Variants in PROM1 observed in about 807,000 individuals in gnomAD.
The protein encoded by PROM1 is prominin-1.
PROM1 carries 105 observed loss-of-function variants against 116.9 expected under a neutral mutation model. That is an observed-to-expected ratio of 0.90 (90% CI 0.77 to 1.06). The LOEUF (loss-of-function observed/expected upper bound fraction) is 1.06. Ranked by LOEUF, PROM1 falls within the 50% of genes least tolerant of loss-of-function variation. The probability of loss-of-function intolerance (pLI) is 0.00; values close to 1 mark genes in which losing one functional copy is unlikely to be tolerated. For missense variants in PROM1, 1,122 were observed against 1,045.2 expected, an observed-to-expected ratio of 1.07 and a Z score of -1.01; for synonymous variants, 393 against 387.0, an observed-to-expected ratio of 1.02 and a Z score of -0.18.
At chr4:16,024,216 T>C (rs1363727783) in intron 7 of PROM1, 79 bp downstream of exon 7, 9 of 1,293,024 alleles carry the variant, frequency 7.0e-6, no homozygotes, top group Non-Finnish European at 9.9e-6. Flanking sequence ...TTCACGTACG[T>C]CATTTCTTAG....
intron 26 of PROM1, among the ~76,000 whole-genome samples, chr4:15,973,961 G>A (rs1341092396): frequency 6.6e-6 from 1 of 152,072 alleles, no homozygotes; most frequent in African/African-American, 2.4e-5. Context: ...CCGGTTCCTG[G>A]GGCTGCTGGA....
At chr4:16,081,292 C>A (rs934491199) in intron 1 of PROM1, among the ~76,000 whole-genome samples, 1 of 152,040 alleles carries the variant, frequency 6.6e-6, no homozygotes, top group Non-Finnish European at 1.5e-5. Flanking sequence ...CAATTCCCAA[C>A]AAACGGTGCT....
chr4:16,019,599 C>T (rs545421338), intron 8 of PROM1, among the ~76,000 whole-genome samples: 1 of 152,342 alleles, frequency 6.6e-6, no homozygotes, highest in African/African-American at 2.4e-5. Flanking sequence ...GCTACCTATA[C>T]ATGACTAGGG....
chr4:16,011,873 G>GT (rs1255061100), intron 11 of PROM1, among the ~76,000 whole-genome samples: 1 of 152,140 alleles, frequency 6.6e-6, no homozygotes, highest in Non-Finnish European at 1.5e-5. Flanking sequence ...AAATAATCAA[G>GT]TATCTCTAAC....
At chr4:16,026,346 A>T (rs1731270443) in intron 5 of PROM1, among the ~76,000 whole-genome samples, 1 of 152,156 alleles carries the variant, frequency 6.6e-6, no homozygotes, top group Non-Finnish European at 1.5e-5. Context: ...GGTTCTGTTG[A>T]ATTTGGCCAC....
chr4:16,058,568 AC>A, intron 2 of PROM1, among the ~76,000 whole-genome samples: 1 of 151,676 alleles, frequency 6.6e-6, no homozygotes, highest in Non-Finnish European at 1.5e-5. Flanking sequence ...AATTGCCTGA[AC>A]CCAGGAGGCA....
intron 10 of PROM1, among the ~76,000 whole-genome samples, chr4:16,014,851 G>A (rs1054272853): frequency 3.9e-5 from 6 of 152,180 alleles, no homozygotes; most frequent in African/African-American, 1.4e-4. Context: ...GCAAGATTTG[G>A]TAAGCTACTG....
At chr4:16,009,133 T>G in intron 11 of PROM1, 25 bp from the exon 12 acceptor site, 1 of 1,600,422 alleles carries the variant, frequency 6.2e-7, no homozygotes, top group Non-Finnish European at 8.5e-7. Context: ...ACCTTTGTTA[T>G]GCATTTGCAA....
At chr4:16,010,402 T>C (rs1228541723) in intron 11 of PROM1, among the ~76,000 whole-genome samples, 6 of 152,194 alleles carry the variant, frequency 3.9e-5, no homozygotes, top group Admixed American at 2.0e-4. Context: ...AGAGACAAGA[T>C]TAGCAGTTCT....
Position 15,985,784 on chromosome 4 carries a change from A to C in PROM1, c.2256T>G (p.His752Gln). 7.0e-7 allele frequency: 1 copy of C among 1,429,658 alleles called. No homozygotes were observed. Among genetic ancestry groups the C allele is most frequent in the Non-Finnish European group, 9.4e-7 (1 of 1,063,188 alleles). The allele number at this position is 1,429,658 out of a possible 1,614,324, so 88.6% of individuals were successfully genotyped here. A position where few individuals can be genotyped will look rare whatever the true frequency, so the allele number is the denominator to read the frequency against. Residue 752 changes from histidine to glutamine, a missense_variant, in exon 22 of 28, where the codon CAT becomes CAG. Physicochemically the swap from His to Gln is conservative, Grantham distance 24. Coordinates refer to ENST00000447510, the MANE Select transcript of PROM1 (RefSeq NM_006017.3). ...YGRTIIGYFE[H>Q]YLQWIEFSIS... ...CAGAGAACTCGATCCACTGCAGATAATGTTCAAAATATCCTATTATTGTTC... is the reference window on the plus strand; with the variant it reads ...CAGAGAACTCGATCCACTGCAGATACTGTTCAAAATATCCTATTATTGTTC...
intron 1 of PROM1, chr4:16,082,015 TG>T (rs914188401): frequency 2.6e-5 from 4 of 152,142 alleles, no homozygotes; most frequent in African/African-American, 9.7e-5. Flanking sequence ...AGATGACAGT[TG>T]TTTGAATTCT....
At position 16,023,335 on chromosome 4, in the gene PROM1, T is replaced by C; in HGVS notation, c.775A>G (p.Met259Val). 3 of 1,603,100 alleles carry C rather than the reference T, an allele frequency of 1.9e-6. No individual in the cohort carries two copies. The highest frequency in any genetic ancestry group is 2.6e-6 in the Non-Finnish European group (3 of 1,173,524). The change falls in exon 8 of 28, where the codon ATG becomes GTG. Residue 259 changes from methionine to valine, a missense_variant. Coordinates refer to ENST00000447510, the MANE Select transcript of PROM1 (RefSeq NM_006017.3). ...TTTGCCCACTGCTTACCTGTTGCCATGGACTTAATCTCATCAAGAACAGGG... is the reference window on the plus strand; with the variant it reads ...TTTGCCCACTGCTTACCTGTTGCCACGGACTTAATCTCATCAAGAACAGGG... ...IIPVLDEIKSMATAIKETKEA... is the reference protein window; with the variant it reads ...IIPVLDEIKSVATAIKETKEA...
intron 2 of PROM1, among the ~76,000 whole-genome samples, chr4:16,062,322 C>T (rs769229859): frequency 1.3e-5 from 2 of 152,156 alleles, no homozygotes; most frequent in African/African-American, 4.8e-5. Flanking sequence ...TGAGGTACTT[C>T]GGGTTAGAAA....
intron 2 of PROM1, among the ~76,000 whole-genome samples, chr4:16,041,467 C>T (rs905342778): frequency 1.1e-4 from 17 of 152,122 alleles, no homozygotes; most frequent in African/African-American, 3.6e-4. Flanking sequence ...TTTCATGGAA[C>T]ACCATCTTTA....
At position 16,000,475 on chromosome 4, in the gene PROM1, TG is replaced by T. The variant is rs1340157192; in HGVS notation, c.1578+20del. ...AGTTTCTGTTCAAGTCCTTTCATAA[TG>T]GGTAGAAAATCATATTTACCCGGAA... On this transcript the variant is annotated intron_variant, in intron 14 of 27. Coordinates refer to ENST00000447510, the MANE Select transcript of PROM1 (RefSeq NM_006017.3). 1 of 1,551,824 alleles carries T rather than the reference TG, an allele frequency of 6.4e-7. No individual in the cohort carries two copies. Among genetic ancestry groups the T allele is most frequent in the Non-Finnish European group, 8.8e-7 (1 of 1,132,850 alleles).
chr4:16,068,720 A>T (rs891489436), intron 2 of PROM1, among the ~76,000 whole-genome samples: 1 of 152,154 alleles, frequency 6.6e-6, no homozygotes, highest in Non-Finnish European at 1.5e-5. Context: ...TTGTCCTTAC[A>T]GCTAATAGGA....
chr4:16,032,674 C>T (rs772566682), intron 5 of PROM1, among the ~76,000 whole-genome samples: 4 of 152,150 alleles, frequency 2.6e-5, no homozygotes, highest in Non-Finnish European at 5.9e-5. Context: ...CTCGAAAAAA[C>T]GTCATCTTAA....
chr4:16,050,506 A>G (rs570047388), intron 2 of PROM1, among the ~76,000 whole-genome samples: 26 of 152,124 alleles, frequency 1.7e-4, no homozygotes, highest in Admixed American at 4.6e-4. Context: ...GTCATGTGCC[A>G]CCACATCCAG....
chr4:16,013,359 A>G (rs1727414641), intron 10 of PROM1, 21 bp from the exon 11 acceptor site: 1 of 1,558,946 alleles, frequency 6.4e-7, no homozygotes, highest in East Asian at 2.2e-5. Flanking sequence ...TTTCAAAATA[A>G]AAGGATGTAC....
Sources: allele counts gnomAD v4.1 joint callset (sites outside exome capture counted in the v4.1 genomes callset), GRCh38; gene constraint gnomAD v4.1.1; transcripts MANE v1.5; gene names NCBI Gene and HGNC (gene_info 2026-07-23, HGNC 2026-07-21).